MYO16: variants seen among roughly 807,000 people sequenced by gnomAD.
MYO16 encodes unconventional myosin-XVI.
A neutral mutation model predicts 205.3 loss-of-function variants in MYO16; 94 were observed. The ratio of observed to expected loss-of-function variants is 0.46; its 90% CI spans 0.39 to 0.54. The LOEUF (loss-of-function observed/expected upper bound fraction) is 0.54, where lower values mean the gene tolerates loss of function less well. Ranked by LOEUF, MYO16 falls within the 20% of genes least tolerant of loss-of-function variation. MYO16 has a pLI of 0.00. For synonymous variants in MYO16, 988 were observed against 954.0 expected, an observed-to-expected ratio of 1.04 and a Z score of -0.66; for missense variants, 2,315 against 2,387.5, an observed-to-expected ratio of 0.97 and a Z score of 0.63.
At chr13:108,748,231 G>A (rs1885125046) in intron 4 of MYO16, among the ~76,000 whole-genome samples, 1 of 152,050 alleles carries the variant, frequency 6.6e-6, no homozygotes, top group Admixed American at 6.5e-5. Flanking sequence ...AATATTTGGA[G>A]ATTAAACAGC....
At chr13:108,799,930 C>A (rs1886917825) in intron 6 of MYO16, among the ~76,000 whole-genome samples, 1 of 152,162 alleles carries the variant, frequency 6.6e-6, no homozygotes, top group Non-Finnish European at 1.5e-5. Context: ...AGGTTTTTAA[C>A]TGAGCCCTCT....
chr13:108,498,572 T>C, the MYO16 span, among the ~76,000 whole-genome samples: 5,084 of 152,260 alleles, frequency 0.033, 114 homozygotes, highest in South Asian at 0.088. Flanking sequence ...TCATTGTTCT[T>C]TGAGATTTCC....
intron 2 of MYO16, among the ~76,000 whole-genome samples, chr13:108,692,257 T>C (rs1226076430): frequency 1.3e-5 from 2 of 152,244 alleles, no homozygotes; most frequent in Non-Finnish European, 2.9e-5. Context: ...TTCTATTTCC[T>C]TGATTTTTCA....
At chr13:109,145,632 T>C (rs190267976) in intron 32 of MYO16, among the ~76,000 whole-genome samples, 7 of 152,384 alleles carry the variant, frequency 4.6e-5, no homozygotes, top group Admixed American at 1.3e-4. Context: ...CCATCTCATG[T>C]GATGATGTGG....
intron 14 of MYO16, among the ~76,000 whole-genome samples, chr13:108,897,194 A>T (rs1174044142): frequency 6.6e-6 from 1 of 152,112 alleles, no homozygotes; most frequent in Non-Finnish European, 1.5e-5. Flanking sequence ...CATGCAAGAG[A>T]TACCCTTGAA....
chr13:108,846,296 A>G (rs1226533988), intron 10 of MYO16, among the ~76,000 whole-genome samples: 2 of 152,140 alleles, frequency 1.3e-5, no homozygotes, highest in Admixed American at 1.3e-4. Flanking sequence ...GTGAGTGTTG[A>G]GGAAACAAAT....
intron 32 of MYO16, among the ~76,000 whole-genome samples, chr13:109,142,794 G>A (rs275951): frequency 0.35 from 53,296 of 151,948 alleles, 9,614 homozygotes; most frequent in East Asian, 0.49. Flanking sequence ...ACCTCTAGGG[G>A]GTATTTGGAC....
At chr13:108,585,776 T>C in the MYO16 span, among the ~76,000 whole-genome samples, 1 of 152,110 alleles carries the variant, frequency 6.6e-6, no homozygotes, top group Non-Finnish European at 1.5e-5. Flanking sequence ...GAATTTGTGG[T>C]TTATATGACA....
chr13:108,810,021 C>T (rs1179624638), intron 7 of MYO16, among the ~76,000 whole-genome samples: 1 of 152,170 alleles, frequency 6.6e-6, no homozygotes, highest in African/African-American at 2.4e-5. Context: ...TCAGTCAGCA[C>T]GTGTCCTGAT....
At chr13:109,117,507 ATATG>A (rs989180182) in intron 28 of MYO16, among the ~76,000 whole-genome samples, 16 of 148,448 alleles carry the variant, frequency 1.1e-4, no homozygotes, top group Non-Finnish European at 1.9e-4. Flanking sequence ...ATATATGTAT[ATATG>A]TATGTATATA....
intron 20 of MYO16, among the ~76,000 whole-genome samples, chr13:108,982,899 G>T (rs1884494557): frequency 6.6e-6 from 1 of 151,952 alleles, no homozygotes; most frequent in South Asian, 2.1e-4. Flanking sequence ...GGATACATCA[G>T]ACCAATCCAT....
chr13:109,136,522 A>G (rs187326492), intron 31 of MYO16, among the ~76,000 whole-genome samples: 248 of 152,166 alleles, frequency 1.6e-3, no homozygotes, highest in Non-Finnish European at 3.1e-3. Context: ...TTATCTCTGT[A>G]TCCTCATGAT....
intron 1 of MYO16, among the ~76,000 whole-genome samples, chr13:108,659,730 C>T (rs910480440): frequency 7.2e-5 from 11 of 152,068 alleles, no homozygotes; most frequent in African/African-American, 9.7e-5. Flanking sequence ...CTTCCATCAA[C>T]ATAATTGTCC....
intron 1 of MYO16, among the ~76,000 whole-genome samples, chr13:108,636,385 G>GTA: frequency 7.5e-6 from 1 of 133,616 alleles, no homozygotes; most frequent in African/African-American, 2.8e-5. Context: ...GTGTGTGTGT[G>GTA]TGTGTGTGTG....
At chr13:108,577,315 CA>C in the MYO16 span, among the ~76,000 whole-genome samples, 1 of 152,066 alleles carries the variant, frequency 6.6e-6, no homozygotes, top group Admixed American at 6.6e-5. Flanking sequence ...GGCAGATAGC[CA>C]AATCTGGCTA....
At chr13:108,728,984 TC>T (rs1281499094) in intron 4 of MYO16, among the ~76,000 whole-genome samples, 3 of 26,680 alleles carry the variant, frequency 1.1e-4, no homozygotes, top group Non-Finnish European at 4.0e-4. Context: ...ATGTACACTT[TC>T]TTTTTTTTTT....
the MYO16 span, among the ~76,000 whole-genome samples, chr13:108,510,489 G>A: frequency 4.0e-5 from 1 of 25,236 alleles, no homozygotes; most frequent in Admixed American, 4.0e-4. Flanking sequence ...TTTTTTTATT[G>A]TACTTTAAGT....
At chr13:108,784,566 A>G (rs1886401763) in intron 4 of MYO16, among the ~76,000 whole-genome samples, 1 of 152,276 alleles carries the variant, frequency 6.6e-6, no homozygotes, top group Middle Eastern at 3.4e-3. Context: ...CAGACTTGCT[A>G]AAGTATAGAA....
At chr13:109,093,701 T>C (rs1190829483) in intron 27 of MYO16, among the ~76,000 whole-genome samples, 1 of 152,114 alleles carries the variant, frequency 6.6e-6, no homozygotes, top group Non-Finnish European at 1.5e-5. Flanking sequence ...AAAATCCGGC[T>C]GGGCCTACCC....
Sources: allele counts gnomAD v4.1 joint callset (sites outside exome capture counted in the v4.1 genomes callset), GRCh38; gene constraint gnomAD v4.1.1; transcripts MANE v1.5; gene names NCBI Gene and HGNC (gene_info 2026-07-23, HGNC 2026-07-21).